The following CABIN1 variants were observed in gnomAD, a reference collection of about 807,000 sequenced individuals.
CABIN1 encodes calcineurin-binding protein cabin-1.
A neutral mutation model predicts 227.7 loss-of-function variants in CABIN1; 133 were observed. That is an observed-to-expected ratio of 0.58 (90% confidence interval 0.51 to 0.67). The LOEUF is 0.67. Ranked by LOEUF, CABIN1 falls within the 30% of genes least tolerant of loss-of-function variation. CABIN1 has a pLI of 0.00. For missense variants in CABIN1, 2,408 were observed against 2,852.5 expected, an observed-to-expected ratio of 0.84 and a Z score of 3.55; for synonymous variants, 1,086 against 1,155.1, an observed-to-expected ratio of 0.94 and a Z score of 1.21.
Position 24,134,427 on chromosome 22 carries a change from G to C in CABIN1, c.4746+12G>C. ...CCAATTTCTTCAACGTGAGTACTTT[G>C]CCTTGTTGATTTCCAAGGCTGTTTG... On this transcript the variant is annotated intron_variant, in intron 29 of 36. Coordinates refer to ENST00000263119, the MANE Select transcript of CABIN1 (RefSeq NM_012295.4). The C allele has an allele frequency of 6.2e-7, 1 of 1,602,672 alleles. No individual in the cohort carries two copies. The highest frequency in any genetic ancestry group is 1.1e-5 in the South Asian group (1 of 90,772).
Position 24,091,727 on chromosome 22 carries a change from A to G in CABIN1, c.3670A>G (p.Thr1224Ala). 6.2e-7 allele frequency: 1 copy of G among 1,614,122 alleles called. No individual in the cohort carries two copies. Among genetic ancestry groups the G allele is most frequent in the Non-Finnish European group, 8.5e-7 (1 of 1,180,034 alleles). ...GGCTGAGAAGCAGCAGCAGCCACCC[A>G]CCGTTTACTTGCTGCACTACAGGCA... Reference protein sequence around the residue: ...KVAEKQQQPPTVYLLHYRQAG... With the variant: ...KVAEKQQQPPAVYLLHYRQAG... Residue 1224 changes from threonine (T) to alanine (A), a missense_variant, in exon 24 of 37, where the codon ACC (threonine) becomes GCC (alanine). By Grantham distance (58) the Thr-to-Ala change is moderately conservative (BLOSUM62 0). Coordinates refer to ENST00000263119, the MANE Select transcript of CABIN1 (RefSeq NM_012295.4).
intron 27 of CABIN1, 60 bp from the exon 28 acceptor site, chr22:24,119,307 C>G: frequency 1.4e-6 from 2 of 1,435,320 alleles, no homozygotes; most frequent in Non-Finnish European, 1.9e-6. Context: ...TGGTGGTAGA[C>G]CACTGCATGG....
intron 29 of CABIN1, among the ~76,000 whole-genome samples, chr22:24,158,936 G>C (rs1488040361): frequency 6.6e-6 from 1 of 152,120 alleles, no homozygotes; most frequent in Non-Finnish European, 1.5e-5. Flanking sequence ...GTCACCTTAG[G>C]GCTACACCAA....
intron 33 of CABIN1, among the ~76,000 whole-genome samples, chr22:24,169,509 G>T (rs2046662897): frequency 6.6e-6 from 1 of 152,158 alleles, no homozygotes; most frequent in African/African-American, 2.4e-5. Context: ...GCCAGACGAG[G>T]CATGCTGTGG....
At chr22:24,041,317 T>G (rs1454894186) in intron 5 of CABIN1, 44 bp downstream of exon 5, 40 of 1,613,592 alleles carry the variant, frequency 2.5e-5, no homozygotes, top group Non-Finnish European at 3.3e-5. Context: ...TTTTGAAAGC[T>G]CTTGGTGGAG....
intron 34 of CABIN1, among the ~76,000 whole-genome samples, chr22:24,173,563 C>T (rs865852752): frequency 6.6e-6 from 1 of 152,208 alleles, no homozygotes; most frequent in East Asian, 1.9e-4. Context: ...TGGCCAGGCG[C>T]GGTGGCTCAC....
intron 15 of CABIN1, among the ~76,000 whole-genome samples, chr22:24,064,512 G>GTTTTTTTTTTTTTTT (rs782268156): frequency 9.4e-6 from 1 of 106,900 alleles, no homozygotes; most frequent in Non-Finnish European, 1.8e-5. Context: ...CAGCTGAAAG[G>GTTTTTTTTTTTTTTT]TTTTTTTTTT....
At chr22:24,164,812 G>A (rs1304651657) in intron 30 of CABIN1, among the ~76,000 whole-genome samples, 2 of 152,162 alleles carry the variant, frequency 1.3e-5, no homozygotes, top group African/African-American at 2.4e-5. Context: ...TTGAGACTCT[G>A]GACTACCCAG....
chr22:24,099,706 AG>A (rs1310118375), intron 26 of CABIN1, among the ~76,000 whole-genome samples: 6 of 152,228 alleles, frequency 3.9e-5, no homozygotes, highest in Admixed American at 2.6e-4. Flanking sequence ...GCTTCCTGGG[AG>A]GAAGCACTAT....
At chr22:24,136,969 A>T (rs964856767) in intron 29 of CABIN1, among the ~76,000 whole-genome samples, 9 of 152,276 alleles carry the variant, frequency 5.9e-5, no homozygotes, top group South Asian at 4.1e-4. Flanking sequence ...TCTGCAGTTG[A>T]TAGGCGAGTT....
At chr22:24,025,625 G>A (rs890070011) in intron 1 of CABIN1, among the ~76,000 whole-genome samples, 3 of 152,158 alleles carry the variant, frequency 2.0e-5, no homozygotes, top group African/African-American at 7.2e-5. Context: ...CTCATCAAAC[G>A]CTCTGCTGGT....
At chr22:24,139,734 A>G (rs1329890931) in intron 29 of CABIN1, among the ~76,000 whole-genome samples, 1 of 152,164 alleles carries the variant, frequency 6.6e-6, no homozygotes, top group Non-Finnish European at 1.5e-5. Flanking sequence ...CTGCTCTCAC[A>G]GTCTCCTGGT....
chr22:24,171,746 C>G lies in CABIN1; in HGVS notation c.5791C>G (p.Pro1931Ala). The G allele has an allele frequency of 6.2e-7, 1 of 1,614,182 alleles. No individual in the cohort carries two copies. Residue 1931 changes from proline (P) to alanine (A), a missense_variant, in exon 34 of 37, where the codon CCC (proline) becomes GCC (alanine). By Grantham distance (27) the Pro-to-Ala change is conservative. Coordinates refer to ENST00000263119, the MANE Select transcript of CABIN1 (RefSeq NM_012295.4). Reference sequence around the variant, plus strand: ...GGACACCCCCACCACTCCAAAGCACCCCAAAGACAGCCGAGAGAACTTCTT... The same window carrying G: ...GGACACCCCCACCACTCCAAAGCACGCCAAAGACAGCCGAGAGAACTTCTT... ...SGDTPTTPKHPKDSRENFFPV... is the reference protein window; with the variant it reads ...SGDTPTTPKHAKDSRENFFPV...
chr22:24,037,203 C>A (rs1371183025), intron 3 of CABIN1, among the ~76,000 whole-genome samples: 1 of 144,824 alleles, frequency 6.9e-6, no homozygotes, highest in African/African-American at 2.6e-5. Context: ...GAGGTTGCAG[C>A]GAGCTGAGAT....
At chr22:24,054,102 T>C (rs1442315553) in intron 8 of CABIN1, among the ~76,000 whole-genome samples, 1 of 151,678 alleles carries the variant, frequency 6.6e-6, no homozygotes, top group Non-Finnish European at 1.5e-5. Flanking sequence ...TTGCAGGGGG[T>C]GGTGTGAGAG....
chr22:24,166,571 C>A, intron 31 of CABIN1, 68 bp from the exon 32 acceptor site: 1 of 1,600,616 alleles, frequency 6.2e-7, no homozygotes, highest in Non-Finnish European at 8.5e-7. Flanking sequence ...GGCTCACCAG[C>A]CCCCAGAGGT....
At chr22:24,044,726 T>G (rs886877319) in intron 6 of CABIN1, among the ~76,000 whole-genome samples, 1 of 152,212 alleles carries the variant, frequency 6.6e-6, no homozygotes, top group Non-Finnish European at 1.5e-5. Context: ...TTCAGCCAAG[T>G]GCTTTGCTAC....
chr22:24,169,766 C>T (rs1435318223), intron 33 of CABIN1, among the ~76,000 whole-genome samples: 1 of 152,214 alleles, frequency 6.6e-6, no homozygotes, highest in Non-Finnish European at 1.5e-5. Flanking sequence ...GCTGTTTCTG[C>T]TTTTGACGTC....
At position 24,038,339 on chromosome 22, in the gene CABIN1, G is replaced by A; in HGVS notation, c.97-9G>A. On this transcript the variant is annotated splice_polypyrimidine_tract_variant and intron_variant, in intron 3 of 36. Transcript: ENST00000263119. ...GCTGTATGAAAACATCTCTTGTCTT[G>A]ATTTGCAGGAAGCAGAGGCTTTTGC... The A allele has an allele frequency of 6.2e-7, 1 of 1,607,290 alleles. No individual in the cohort carries two copies. Among genetic ancestry groups the A allele is most frequent in the Non-Finnish European group, 8.5e-7 (1 of 1,173,942 alleles).
Sources: allele counts gnomAD v4.1 joint callset (sites outside exome capture counted in the v4.1 genomes callset), GRCh38; gene constraint gnomAD v4.1.1; transcripts MANE v1.5; gene names NCBI Gene and HGNC (gene_info 2026-07-23, HGNC 2026-07-21).